Variants in CSMD1 observed in about 807,000 individuals in gnomAD.
CSMD1 encodes CUB and sushi domain-containing protein 1.
Under a neutral mutation model 417.5 loss-of-function variants are expected in CSMD1, and 213 were observed. The observed-to-expected ratio is 0.51, with a 90% CI of 0.46 to 0.57. The LOEUF (loss-of-function observed/expected upper bound fraction) is 0.57. Ranked by LOEUF, CSMD1 falls within the 20% of genes least tolerant of loss-of-function variation. The probability of loss-of-function intolerance (pLI) is 0.00; values close to 1 mark genes in which losing one functional copy is unlikely to be tolerated. For synonymous variants in CSMD1, 2,862 were observed against 1,736.8 expected (o/e 1.65, Z -16.11); for missense variants, 6,923 against 4,529.7 (o/e 1.53, Z -15.17).
At chr8:3,827,706 T>C (rs1389369433) in intron 5 of CSMD1, among the ~76,000 whole-genome samples, 2 of 152,244 alleles carry the variant, frequency 1.3e-5, no homozygotes, top group African/African-American at 2.4e-5. Flanking sequence ...GTGAGTTTTG[T>C]CAGGATTTAT....
At position 4,800,401 on chromosome 8, in the gene CSMD1, G is replaced by A. The variant is rs554229806; in HGVS notation, c.86-162843C>T. Among the ~76,000 whole-genome samples, 193 of 145,394 alleles carry A rather than the reference G, an allele frequency of 1.3e-3. 5 individuals are homozygous for A. The South Asian group carries it at 0.027, about 20-fold the overall frequency. ...AGCTGAGATCAGAGATCACGCCACTGTACTCCAGGCTGGGTGACAAGAGCA... is the reference window on the plus strand; with the variant it reads ...AGCTGAGATCAGAGATCACGCCACTATACTCCAGGCTGGGTGACAAGAGCA... On this transcript the variant is annotated intron_variant, in intron 1 of 69. Transcript: ENST00000635120.
intron 52 of CSMD1, among the ~76,000 whole-genome samples, chr8:3,008,779 T>C (rs576616613): frequency 1.1e-4 from 16 of 152,320 alleles, no homozygotes; most frequent in African/African-American, 3.6e-4. Context: ...AGTTATGCGG[T>C]TTGCAACCTA....
At chr8:3,621,839 G>A (rs1353899440) in intron 7 of CSMD1, among the ~76,000 whole-genome samples, 3 of 151,704 alleles carry the variant, frequency 2.0e-5, no homozygotes, top group African/African-American at 7.3e-5. Flanking sequence ...AAACTCCTGG[G>A]CTCAAACAAT....
chr8:4,184,696 T>A (rs564805465), intron 3 of CSMD1, among the ~76,000 whole-genome samples: 3 of 151,410 alleles, frequency 2.0e-5, no homozygotes, highest in African/African-American at 7.3e-5. Flanking sequence ...ACACCAGAGG[T>A]TGGAAGGTGG....
chr8:3,210,320 T>G (rs1329946146), intron 30 of CSMD1, among the ~76,000 whole-genome samples: 3 of 119,910 alleles, frequency 2.5e-5, no homozygotes, highest in African/African-American at 9.9e-5. Flanking sequence ...TGCGCTGTGC[T>G]CTTTGATGAC....
At chr8:3,804,114 T>A (rs1800601938) in intron 5 of CSMD1, among the ~76,000 whole-genome samples, 1 of 151,974 alleles carries the variant, frequency 6.6e-6, no homozygotes, top group Non-Finnish European at 1.5e-5. Flanking sequence ...ATATTTTTAG[T>A]AGAGACAGGG....
At chr8:4,077,440 G>C (rs1585263333) in intron 3 of CSMD1, among the ~76,000 whole-genome samples, 1 of 151,324 alleles carries the variant, frequency 6.6e-6, no homozygotes, top group African/African-American at 2.4e-5. Flanking sequence ...ATTAATTTGA[G>C]TATCCTATAC....
intron 5 of CSMD1, among the ~76,000 whole-genome samples, chr8:3,821,019 C>A (rs139711210): frequency 1.3e-5 from 2 of 152,010 alleles, no homozygotes; most frequent in African/African-American, 2.4e-5. Flanking sequence ...CGGGTTCAAG[C>A]GATTCTCCCG....
chr8:4,365,941 T>C (rs1242721952), intron 3 of CSMD1, among the ~76,000 whole-genome samples: 2 of 152,200 alleles, frequency 1.3e-5, no homozygotes, highest in Non-Finnish European at 2.9e-5. Flanking sequence ...TTGAAAATGT[T>C]TTTAGGTTCA....
At chr8:3,274,505 T>C (rs574808832) in intron 26 of CSMD1, among the ~76,000 whole-genome samples, 5 of 152,176 alleles carry the variant, frequency 3.3e-5, no homozygotes, top group African/African-American at 1.2e-4. Flanking sequence ...GTCTTGTTGA[T>C]CTGTCTAAAG....
intron 62 of CSMD1, among the ~76,000 whole-genome samples, chr8:2,958,963 G>A (rs1042033930): frequency 3.9e-5 from 6 of 152,194 alleles, no homozygotes; most frequent in Non-Finnish European, 2.9e-5. Context: ...AAAAAATGCT[G>A]CTTCTAGCAC....
chr8:4,944,172 A>C (rs1808213772), intron 1 of CSMD1, among the ~76,000 whole-genome samples: 1 of 152,178 alleles, frequency 6.6e-6, no homozygotes, highest in Admixed American at 6.5e-5. Flanking sequence ...AAAGAGAAAA[A>C]ATCCACGAAC....
At chr8:3,402,211 C>G (rs986693773) in intron 15 of CSMD1, among the ~76,000 whole-genome samples, 6 of 152,192 alleles carry the variant, frequency 3.9e-5, no homozygotes, top group Non-Finnish European at 8.8e-5. Flanking sequence ...AGAACTCACT[C>G]ACACCCCTGT....
chr8:4,975,698 T>C (rs917823607), intron 1 of CSMD1, among the ~76,000 whole-genome samples: 2 of 152,304 alleles, frequency 1.3e-5, no homozygotes, highest in East Asian at 1.9e-4. Context: ...GCTATTACCA[T>C]TGTGAGCTCT....
chr8:3,376,904 A>G (rs1810342610), intron 18 of CSMD1, among the ~76,000 whole-genome samples: 1 of 152,204 alleles, frequency 6.6e-6, no homozygotes, highest in African/African-American at 2.4e-5. Context: ...TTAAGATTTG[A>G]AGGGTAATGA....
intron 4 of CSMD1, among the ~76,000 whole-genome samples, chr8:4,031,265 G>A (rs778707651): frequency 2.6e-5 from 4 of 152,098 alleles, no homozygotes; most frequent in Non-Finnish European, 4.4e-5. Context: ...ACCTGAGCCT[G>A]GGCAATTTAC....
Position 3,896,636 on chromosome 8 carries a change from C to G in CSMD1, c.818+101267G>C, listed in dbSNP as rs182736754. 2.0e-5 allele frequency among the ~76,000 whole-genome samples: 3 copies of G among 152,094 alleles called. No homozygotes were observed. The Middle Eastern group carries it at 0.01, about 517-fold the overall frequency. On this transcript the variant is annotated intron_variant, in intron 5 of 69. Coordinates refer to ENST00000635120, the MANE Select transcript of CSMD1 (RefSeq NM_033225.6). ...ACGCCATTCTCCTGCCTCAGCCTCCCGAGTAGCTGGGACTACAGGCGCCCG... is the reference window on the plus strand; with the variant it reads ...ACGCCATTCTCCTGCCTCAGCCTCCGGAGTAGCTGGGACTACAGGCGCCCG...
intron 36 of CSMD1, among the ~76,000 whole-genome samples, chr8:3,182,458 G>A (rs1057286972): frequency 6.6e-6 from 1 of 152,028 alleles, no homozygotes; most frequent in South Asian, 2.1e-4. Context: ...CAAGTGATCT[G>A]CTTGCCTCGG....
At chr8:3,927,167 A>C (rs1308068437) in intron 5 of CSMD1, among the ~76,000 whole-genome samples, 6 of 151,968 alleles carry the variant, frequency 3.9e-5, no homozygotes, top group African/African-American at 1.4e-4. Flanking sequence ...TAAAGTTTTG[A>C]AGCTATAATT....
Sources: gnomAD v4.1 joint callset for allele counts (sites outside exome capture counted in the v4.1 genomes callset) on GRCh38, gnomAD v4.1.1 for gene constraint, MANE v1.5 for transcripts, NCBI Gene and HGNC (gene_info 2026-07-23, HGNC 2026-07-21) for gene names.